PLA2G15: variants seen among roughly 807,000 people sequenced by gnomAD.
PLA2G15 encodes phospholipase A2 group XV.
A neutral mutation model predicts 40.9 loss-of-function variants in PLA2G15; 20 were observed. The ratio of observed to expected loss-of-function variants is 0.49; its 90% CI spans 0.34 to 0.71. The LOEUF (loss-of-function observed/expected upper bound fraction) is 0.71. PLA2G15 is among the 30% of genes least tolerant of loss of function. PLA2G15 has a pLI of 0.01. For synonymous variants in PLA2G15, 223 were observed against 228.2 expected, an observed-to-expected ratio of 0.98 and a Z score of 0.21; for missense variants, 471 against 541.9, an observed-to-expected ratio of 0.87 and a Z score of 1.30.
chr16:68,249,028 C>T (rs1239908276), intron 1 of PLA2G15, among the ~76,000 whole-genome samples: 1 of 152,218 alleles, frequency 6.6e-6, no homozygotes, highest in Non-Finnish European at 1.5e-5. Context: ...TGTCAGGCCT[C>T]TCCCAAGCCC....
intron 1 of PLA2G15, among the ~76,000 whole-genome samples, chr16:68,247,879 G>A (rs1028189074): frequency 6.6e-6 from 1 of 152,242 alleles, no homozygotes; most frequent in African/African-American, 2.4e-5. Flanking sequence ...CATGGCATGT[G>A]GGGGCAGGTG....
At chr16:68,253,515 C>G (rs1303722620) in intron 2 of PLA2G15, 1 of 420,432 alleles carries the variant, frequency 2.4e-6, no homozygotes, top group East Asian at 7.8e-5. Flanking sequence ...ACTGGGATTA[C>G]AGGTACACGT....
At chr16:68,246,686 G>A (rs941144418) in intron 1 of PLA2G15, among the ~76,000 whole-genome samples, 1 of 152,202 alleles carries the variant, frequency 6.6e-6, no homozygotes, top group Non-Finnish European at 1.5e-5. Context: ...GAGGAAGTCT[G>A]TGTGGGGCAA....
At position 68,255,541 on chromosome 16, in the gene PLA2G15, C is replaced by T. The variant is rs2042393452; in HGVS notation, c.502+161C>T. The T allele has an allele frequency of 3.1e-6, 2 of 645,040 alleles. No individual in the cohort carries two copies. Among genetic ancestry groups the T allele is most frequent in the Admixed American group, 2.9e-5 (1 of 34,702 alleles). The allele number at this position is 645,040 out of a possible 1,614,324, so 40.0% of individuals were successfully genotyped here. On this transcript the variant is annotated intron_variant, in intron 4 of 5. Coordinates refer to ENST00000219345, the MANE Select transcript of PLA2G15 (RefSeq NM_012320.4). The surrounding 1 kb of genome is among the most constrained non-coding windows in gnomAD (Gnocchi z 5.9). The stretch of plus-strand genomic sequence containing the variant: ...GTCACAGCCACCACCTTTGGTCAGT[C>T]TTATCCTGTCCTCCATTTCCCACCC...
intron 1 of PLA2G15, among the ~76,000 whole-genome samples, chr16:68,247,073 G>C (rs2042315446): frequency 6.6e-6 from 1 of 152,148 alleles, no homozygotes; most frequent in Non-Finnish European, 1.5e-5. Context: ...AAGAGCCTCA[G>C]ACCCCACCCA....
rs2042308631 is a variant in PLA2G15, at chr16:68,246,335, C to T, written c.127+782C>T. 2.0e-5 allele frequency among the ~76,000 whole-genome samples: 3 copies of T among 152,292 alleles called. No individual in the cohort carries two copies. The South Asian group carries it at 6.2e-4, about 32-fold the overall frequency. On this transcript the variant is annotated intron_variant, in intron 1 of 5. Coordinates refer to ENST00000219345, the MANE Select transcript of PLA2G15 (RefSeq NM_012320.4). ...AGGGATGAGACCTCTGTCTGGGGGG[C>T]CTTGGGTGCCTCATTGAGGCCGTCA...
rs779202961 is a variant in PLA2G15 at position 68,260,392 on chromosome 16, C to T, written c.*735C>T. On this transcript the variant is annotated 3_prime_UTR_variant, in exon 6 of 6. Coordinates refer to ENST00000219345, the MANE Select transcript of PLA2G15 (RefSeq NM_012320.4). ...TGTGTTCCAGGGGCCCTGATTTCCT[C>T]GGATGTGCTATTGGCCCCAGGACTG... is the stretch of plus-strand genomic sequence containing the variant. 6.5e-6 allele frequency: 1 copy of T among 152,808 alleles called. No individual in the cohort carries two copies. The allele number at this position is 152,808 out of a possible 1,614,324, so 9.5% of individuals were successfully genotyped here.
intron 2 of PLA2G15, chr16:68,250,399 T>G: frequency 4.4e-6 from 1 of 225,612 alleles, no homozygotes; most frequent in Middle Eastern, 2.0e-3. Flanking sequence ...GCCTCCCAAG[T>G]AGCTGGGACC....
intron 1 of PLA2G15, among the ~76,000 whole-genome samples, 193 bp downstream of exon 1, chr16:68,245,746 T>C (rs943262499): frequency 2.0e-5 from 3 of 152,290 alleles, no homozygotes; most frequent in Non-Finnish European, 4.4e-5. Context: ...GCTCCCCACC[T>C]CCTGTCCTGG....
In PLA2G15 at chr16:68,249,288, A is replaced by T; in HGVS notation, c.128-2A>T. ...CTCACACATGTCCTGTGCCCCCTGC[A>T]GTCCCTGGTGATTTGGGTAACCAAC... On this transcript the variant is annotated splice_acceptor_variant, in intron 1 of 5. Transcript: ENST00000219345. LOFTEE classifies it high-confidence loss of function. 1 of 1,614,050 alleles carries T rather than the reference A, an allele frequency of 6.2e-7. No individual in the cohort carries two copies. Among genetic ancestry groups the T allele is most frequent in the Non-Finnish European group, 8.5e-7 (1 of 1,179,920 alleles).
chr16:68,259,124 G>T lies in PLA2G15; in HGVS notation c.728-22G>T. 1 of 1,595,300 alleles carries T rather than the reference G, an allele frequency of 6.3e-7. No individual in the cohort carries two copies. The highest frequency in any genetic ancestry group is 1.2e-5 in the South Asian group (1 of 86,880). The stretch of plus-strand genomic sequence containing the variant: ...CAGCTGGCATTCCTAAGCACAGACT[G>T]ACCAGAGCCTTCTCCCTGCAGGAGA... On this transcript the variant is annotated intron_variant, in intron 5 of 5. Coordinates refer to ENST00000219345, the MANE Select transcript of PLA2G15 (RefSeq NM_012320.4). This position sits in a 1 kb window ranked among gnomAD's most constrained non-coding sequence, Gnocchi z 6.5.
At chr16:68,258,969 A>G in intron 5 of PLA2G15, 177 bp from the exon 6 acceptor site, 1 of 605,300 alleles carries the variant, frequency 1.7e-6, no homozygotes, top group Non-Finnish European at 2.9e-6. Context: ...CAAAAAGAAA[A>G]AAAAAGAGCC....
intron 1 of PLA2G15, among the ~76,000 whole-genome samples, chr16:68,247,983 T>TACA (rs952406899): frequency 6.6e-6 from 1 of 152,122 alleles, no homozygotes; most frequent in African/African-American, 2.4e-5. Flanking sequence ...GAGTTCTGAG[T>TACA]ACACTGAATA....
At chr16:68,247,954 G>C (rs2042322637) in intron 1 of PLA2G15, among the ~76,000 whole-genome samples, 1 of 152,214 alleles carries the variant, frequency 6.6e-6, no homozygotes, top group African/African-American at 2.4e-5. Flanking sequence ...GGAGGGATTT[G>C]GGTGTCACCA....
chr16:68,259,766 C>T lies in PLA2G15; in HGVS notation c.*109C>T, dbSNP rs1484262048. 35 of 997,238 alleles carry T rather than the reference C, an allele frequency of 3.5e-5. 1 individual carries two copies. Among genetic ancestry groups the T allele is most frequent in the Middle Eastern group, 3.2e-4 (1 of 3,082 alleles). The allele number at this position is 997,238 out of a possible 1,614,324, so 61.8% of individuals were successfully genotyped here. A position where few individuals can be genotyped will look rare whatever the true frequency, so the allele number is the denominator to read the frequency against. On this transcript the variant is annotated 3_prime_UTR_variant, in exon 6 of 6. Coordinates refer to ENST00000219345, the MANE Select transcript of PLA2G15 (RefSeq NM_012320.4). This position sits in a 1 kb window ranked among gnomAD's most constrained non-coding sequence, Gnocchi z 6.5. ...GTTTGTGACTCACCATTCAAGGCCC[C>T]GAGTCTTGGACTGTGAAGCATCTGC...
intron 2 of PLA2G15, among the ~76,000 whole-genome samples, chr16:68,250,138 T>C (rs1006291374): frequency 6.6e-6 from 1 of 151,648 alleles, no homozygotes; most frequent in African/African-American, 2.4e-5. Context: ...TGGAATCTAT[T>C]TCTACACCCT....
In PLA2G15 at chr16:68,245,393, C is replaced by A. The variant is rs754071818; in HGVS notation, c.-34C>A. The A allele has an allele frequency of 6.3e-7, 1 of 1,597,654 alleles. No individual in the cohort carries two copies. The highest frequency in any genetic ancestry group is 8.5e-7 in the Non-Finnish European group (1 of 1,177,366). ...TAGGCGAGAGCCCAGAGAGCTGAAC[C>A]TGCATCCCGGACCTGCGGCGACCGT... On this transcript the variant is annotated 5_prime_UTR_variant, in exon 1 of 6. The change creates a new upstream start codon in the 5' untranslated region. Coordinates refer to ENST00000219345, the MANE Select transcript of PLA2G15 (RefSeq NM_012320.4).
At chr16:68,247,082 C>T (rs942974249) in intron 1 of PLA2G15, among the ~76,000 whole-genome samples, 1 of 152,282 alleles carries the variant, frequency 6.6e-6, no homozygotes, top group Middle Eastern at 3.4e-3. Flanking sequence ...AGACCCCACC[C>T]AGAATCACAG....
chr16:68,252,427 T>C (rs191241377), intron 2 of PLA2G15: 19 of 381,122 alleles, frequency 5.0e-5, no homozygotes, highest in Non-Finnish European at 5.3e-6. Flanking sequence ...GTTCCCAGCC[T>C]CGCACAGAGG....
Sources: gnomAD v4.1 joint callset for allele counts (sites outside exome capture counted in the v4.1 genomes callset) on GRCh38, gnomAD v4.1.1 for gene constraint, Gnocchi (gnomAD v3.1) non-coding constraint, MANE v1.5 for transcripts, NCBI Gene and HGNC (gene_info 2026-07-23, HGNC 2026-07-21) for gene names.